The following DAB1 variants were observed in gnomAD, a reference collection of about 807,000 sequenced individuals.
DAB1 encodes disabled homolog 1.
A neutral mutation model predicts 64.6 loss-of-function variants in DAB1; 15 were observed. The ratio of observed to expected loss-of-function variants is 0.23; its 90% CI spans 0.16 to 0.36. The LOEUF (loss-of-function observed/expected upper bound fraction) is 0.36, where lower values mean the gene tolerates loss of function less well. Ranked by LOEUF, DAB1 falls within the 10% of genes least tolerant of loss-of-function variation. DAB1 has a pLI of 1.00. For missense variants in DAB1, 596 were observed against 706.7 expected, an observed-to-expected ratio of 0.84 and a Z score of 1.78; for synonymous variants, 235 against 251.9, an observed-to-expected ratio of 0.93 and a Z score of 0.64.
chr1:58,039,627 C>T (rs1293635905), intron 5 of DAB1, among the ~76,000 whole-genome samples: 11 of 152,102 alleles, frequency 7.2e-5, no homozygotes, highest in African/African-American at 2.7e-4. Context: ...TCTTTTTCAG[C>T]CTACAGGAGT....
At chr1:57,233,412 G>A (rs1273971999) in intron 2 of DAB1, among the ~76,000 whole-genome samples, 3 of 149,836 alleles carry the variant, frequency 2.0e-5, no homozygotes, top group East Asian at 2.0e-4. Flanking sequence ...ACAGGCGCCC[G>A]CCATTACGCC....
chr1:58,530,948 C>G (rs1197749822), intron 1 of DAB1, among the ~76,000 whole-genome samples: 1 of 152,062 alleles, frequency 6.6e-6, no homozygotes, highest in Non-Finnish European at 1.5e-5. Context: ...ATCTACTAAG[C>G]CACTTACTAT....
At chr1:57,548,700 C>T (rs1383003920) in intron 7 of DAB1, among the ~76,000 whole-genome samples, 2 of 152,150 alleles carry the variant, frequency 1.3e-5, no homozygotes, top group Non-Finnish European at 2.9e-5. Context: ...TTACATAGTG[C>T]TGGAGCCTGG....
downstream of DAB1, among the ~76,000 whole-genome samples, chr1:57,825,341 A>G (rs1229937738): frequency 6.6e-6 from 1 of 152,204 alleles, no homozygotes; most frequent in Non-Finnish European, 1.5e-5. Context: ...ATTCAAAAAT[A>G]TGACCCTTCA....
chr1:58,516,591 C>T (rs188821513), intron 2 of DAB1, among the ~76,000 whole-genome samples: 3 of 152,102 alleles, frequency 2.0e-5, no homozygotes, highest in Non-Finnish European at 4.4e-5. Context: ...TAAATTTGCA[C>T]AATAAAATCA....
chr1:57,377,165 G>C (rs114755983), intron 1 of DAB1, among the ~76,000 whole-genome samples: 1 of 152,062 alleles, frequency 6.6e-6, no homozygotes, highest in African/African-American at 2.4e-5. Flanking sequence ...AGCTACGCTG[G>C]AGGCTGAGGA....
chr1:57,957,386 G>T (rs931548867), intron 5 of DAB1, among the ~76,000 whole-genome samples: 1 of 152,192 alleles, frequency 6.6e-6, no homozygotes, highest in African/African-American at 2.4e-5. Flanking sequence ...ATTTGTTAAG[G>T]CAGGGAAGAC....
chr1:58,163,939 A>C (rs1306956799), intron 4 of DAB1, among the ~76,000 whole-genome samples: 1 of 152,196 alleles, frequency 6.6e-6, no homozygotes, highest in African/African-American at 2.4e-5. Flanking sequence ...CCAAACTTTT[A>C]ATATGCTTTT....
chr1:57,192,570 C>T (rs887449728), intron 2 of DAB1, among the ~76,000 whole-genome samples: 1 of 152,138 alleles, frequency 6.6e-6, no homozygotes, highest in African/African-American at 2.4e-5. Context: ...ATCACCATCA[C>T]CATCAGCAAC....
At chr1:58,172,281 C>A (rs12731942) in intron 4 of DAB1, among the ~76,000 whole-genome samples, 13,521 of 152,238 alleles carry the variant, frequency 0.089, 792 homozygotes, top group Non-Finnish European at 0.14. Context: ...AACAATCCCA[C>A]AACCAGTGGC....
chr1:57,052,082 C>T (rs1175144983), intron 9 of DAB1, among the ~76,000 whole-genome samples: 3 of 129,096 alleles, frequency 2.3e-5, no homozygotes, highest in Non-Finnish European at 4.6e-5. Flanking sequence ...CATCTTTAAA[C>T]ACCAGTTTCT....
chr1:57,027,401 T>C (rs759963781), intron 9 of DAB1, among the ~76,000 whole-genome samples: 14 of 152,328 alleles, frequency 9.2e-5, no homozygotes, highest in Non-Finnish European at 1.8e-4. Context: ...AGCCCCTGCC[T>C]CTTTGCAGAC....
intron 2 of DAB1, among the ~76,000 whole-genome samples, chr1:58,525,306 GA>G (rs1260853322): frequency 1.4e-5 from 2 of 139,878 alleles, no homozygotes; most frequent in Admixed American, 7.1e-5. Context: ...TATATTTATT[GA>G]AAAAAATCCT....
chr1:57,093,921 C>T (rs1653916789), intron 4 of DAB1, among the ~76,000 whole-genome samples: 1 of 151,926 alleles, frequency 6.6e-6, no homozygotes, highest in Non-Finnish European at 1.5e-5. Flanking sequence ...TGAGATCAGC[C>T]TGGACAACAT....
chr1:58,210,291 C>T (rs1318782388), intron 4 of DAB1, among the ~76,000 whole-genome samples: 1 of 152,064 alleles, frequency 6.6e-6, no homozygotes, highest in Non-Finnish European at 1.5e-5. Flanking sequence ...AGGAACTGCA[C>T]AAGGAAAGGC....
rs769477450 is a variant in DAB1, at chr1:57,010,730, TG to T, written c.1632del (p.Ser545ValfsTer5). 3.1e-6 allele frequency: 5 copies of T among 1,598,624 alleles called. No homozygotes were observed. In the Admixed American group the frequency reaches 6.8e-5, roughly 22 times the overall value. On this transcript the variant is annotated frameshift_variant, in exon 14 of 15. Coordinates refer to ENST00000371236, the MANE Select transcript of DAB1 (RefSeq NM_001365792.1). LOFTEE classifies it high-confidence loss of function. Reference sequence around the variant, plus strand: ...GCCTGTGGACTTATATTATCACCACTGGGCTCCCCACTGGGCTCACCAAATG... The same window carrying T: ...GCCTGTGGACTTATATTATCACCACTGGCTCCCCACTGGGCTCACCAAATG... The part of the protein sequence containing the change: ...SDPFGEPSGE[P>X]SGDNISPQAG...
At chr1:57,300,100 A>G (rs1230817665) in intron 1 of DAB1, among the ~76,000 whole-genome samples, 1 of 152,122 alleles carries the variant, frequency 6.6e-6, no homozygotes, top group Non-Finnish European at 1.5e-5. Context: ...CATCCACACC[A>G]GCCCCCTGCA....
chr1:58,260,913 TA>T (rs1661033981), intron 4 of DAB1, among the ~76,000 whole-genome samples: 1 of 152,182 alleles, frequency 6.6e-6, no homozygotes, highest in African/African-American at 2.4e-5. Context: ...CGAGAGTCCA[TA>T]AAACCCTGAT....
intron 6 of DAB1, among the ~76,000 whole-genome samples, chr1:57,664,228 A>G (rs1312658386): frequency 6.6e-6 from 1 of 152,214 alleles, no homozygotes; most frequent in Non-Finnish European, 1.5e-5. Flanking sequence ...GGATCTGGAA[A>G]ATACCACTTT....
Sources: gnomAD v4.1 joint callset for allele counts (sites outside exome capture counted in the v4.1 genomes callset) on GRCh38, gnomAD v4.1.1 for gene constraint, MANE v1.5 for transcripts, NCBI Gene and HGNC (gene_info 2026-07-23, HGNC 2026-07-21) for gene names.